The following COL4A2 variants were observed in gnomAD, a reference collection of about 807,000 sequenced individuals.
COL4A2 encodes the protein collagen type IV alpha 2 chain.
In COL4A2, 99 loss-of-function variants were observed where a neutral mutation model predicts 200.2. The observed-to-expected ratio is 0.49, with a 90% CI of 0.42 to 0.58. The LOEUF is 0.58. Among genes scored for constraint, COL4A2 ranks in the 20% least tolerant of loss-of-function variants. The pLI is 0.00. For missense variants in COL4A2, 1,950 were observed against 2,314.1 expected (o/e 0.84, Z 3.23); for synonymous variants, 897 against 900.6 (o/e 1.00, Z 0.07).
chr13:110,466,963 C>A, intron 26 of COL4A2, 77 bp from the exon 27 acceptor site: 1 of 1,573,504 alleles, frequency 6.4e-7, no homozygotes, highest in Non-Finnish European at 8.7e-7. Flanking sequence ...CGTGCTTTTG[C>A]CCTTGGGGAT....
chr13:110,386,639 A>G (rs1440738085), intron 4 of COL4A2, among the ~76,000 whole-genome samples: 1 of 152,242 alleles, frequency 6.6e-6, no homozygotes, highest in African/African-American at 2.4e-5. Flanking sequence ...ATTGATATGT[A>G]ATATATTAAT....
At chr13:110,346,396 A>G (rs1876700024) in intron 3 of COL4A2, among the ~76,000 whole-genome samples, 1 of 152,182 alleles carries the variant, frequency 6.6e-6, no homozygotes, top group Non-Finnish European at 1.5e-5. Context: ...CACCATAGAC[A>G]ATATAAGGAG....
At chr13:110,376,475 C>G (rs987179230) in intron 4 of COL4A2, among the ~76,000 whole-genome samples, 16 of 151,404 alleles carry the variant, frequency 1.1e-4, no homozygotes, top group Non-Finnish European at 2.1e-4. Flanking sequence ...TTAGCCCCCC[C>G]ACCCAAAAAA....
intron 29 of COL4A2, among the ~76,000 whole-genome samples, chr13:110,476,222 G>T (rs534391103): frequency 1.9e-5 from 1 of 51,514 alleles, no homozygotes; most frequent in African/African-American, 6.2e-5. Flanking sequence ...ACCTGCCATC[G>T]CTGCGAATCC....
At chr13:110,335,703 C>A (rs189030008) in intron 3 of COL4A2, among the ~76,000 whole-genome samples, 1 of 152,214 alleles carries the variant, frequency 6.6e-6, no homozygotes, top group African/African-American at 2.4e-5. Context: ...CATCACATGA[C>A]AAGGCTTGGC....
At chr13:110,320,464 A>G (rs1355854628) in intron 3 of COL4A2, among the ~76,000 whole-genome samples, 1 of 152,230 alleles carries the variant, frequency 6.6e-6, no homozygotes, top group Non-Finnish European at 1.5e-5. Flanking sequence ...GAAGGAAGTC[A>G]GATTAGTCAT....
At position 110,512,331 on chromosome 13, in the gene COL4A2, G is replaced by GTC. The variant is rs1884116541; in HGVS notation, c.*140_*141insTC. ...AATTTGCATCCAGCAGCAGCACTTA[G>GTC]ACCTGCCAGCCACTGTCACCGAGCG... On this transcript the variant is annotated 3_prime_UTR_variant, in exon 48 of 48. Transcript: ENST00000360467. 2.2e-6 allele frequency: 3 copies of GTC among 1,365,270 alleles called. No individual in the cohort carries two copies. The highest frequency in any genetic ancestry group is 1.9e-6 in the Non-Finnish European group (2 of 1,037,610). The allele number at this position is 1,365,270 out of a possible 1,614,324, so 84.6% of individuals were successfully genotyped here.
At chr13:110,466,608 A>T (rs951259780) in intron 26 of COL4A2, among the ~76,000 whole-genome samples, 1 of 152,232 alleles carries the variant, frequency 6.6e-6, no homozygotes, top group African/African-American at 2.4e-5. Flanking sequence ...TCACTCTGAA[A>T]GTAAACAAAG....
At chr13:110,457,559 C>A in intron 21 of COL4A2, 124 bp downstream of exon 21, 1 of 717,868 alleles carries the variant, frequency 1.4e-6, no homozygotes, top group Non-Finnish European at 2.6e-6. Context: ...GCATGTCTCT[C>A]CCAGCCTCCT....
chr13:110,394,342 G>A (rs1879109265), intron 4 of COL4A2, among the ~76,000 whole-genome samples: 1 of 152,154 alleles, frequency 6.6e-6, no homozygotes, highest in Non-Finnish European at 1.5e-5. Flanking sequence ...TTTGCCACTT[G>A]TCCACTGTTT....
At chr13:110,432,221 T>C in intron 10 of COL4A2, 104 bp from the exon 11 acceptor site, 1 of 1,373,956 alleles carries the variant, frequency 7.3e-7, no homozygotes, top group African/African-American at 1.5e-5. Context: ...TCCTACACTG[T>C]GTCCTAAATA....
intron 11 of COL4A2, among the ~76,000 whole-genome samples, chr13:110,433,897 A>G (rs1880776218): frequency 6.6e-6 from 1 of 152,252 alleles, no homozygotes; most frequent in African/African-American, 2.4e-5. Context: ...AAGTTTGGAT[A>G]AAGCCCAGAG....
chr13:110,434,171 C>A (rs1880785642), intron 11 of COL4A2, among the ~76,000 whole-genome samples: 1 of 152,168 alleles, frequency 6.6e-6, no homozygotes, highest in Non-Finnish European at 1.5e-5. Flanking sequence ...GGGCCAGCAC[C>A]ACCTGGGGTC....
chr13:110,436,542 G>A (rs746609374), intron 13 of COL4A2, among the ~76,000 whole-genome samples, 175 bp downstream of exon 13: 3 of 151,168 alleles, frequency 2.0e-5, no homozygotes, highest in Non-Finnish European at 4.4e-5. Context: ...TCTTCCAGAC[G>A]GTTACTAGAT....
chr13:110,311,612 G>A (rs1008423632), intron 3 of COL4A2, among the ~76,000 whole-genome samples: 1 of 152,194 alleles, frequency 6.6e-6, no homozygotes, highest in African/African-American at 2.4e-5. Context: ...GGCACAGCCT[G>A]GGTGCCAGGA....
intron 4 of COL4A2, among the ~76,000 whole-genome samples, chr13:110,380,325 C>A (rs1039942199): frequency 6.6e-6 from 1 of 152,154 alleles, no homozygotes; most frequent in African/African-American, 2.4e-5. Context: ...CATGAGTTAT[C>A]AGTATTGTTT....
chr13:110,323,387 G>A (rs1056017590), intron 3 of COL4A2, among the ~76,000 whole-genome samples: 25 of 152,344 alleles, frequency 1.6e-4, no homozygotes, highest in African/African-American at 5.0e-4. Context: ...GTCAGGCATC[G>A]GGATGAGGGC....
At chr13:110,489,859 A>T in intron 36 of COL4A2, 74 bp downstream of exon 36, 15 of 1,478,222 alleles carry the variant, frequency 1.0e-5, no homozygotes, top group Non-Finnish European at 1.4e-5. Flanking sequence ...CGACTTGCCA[A>T]ACAGATCAAA....
chr13:110,356,057 C>T (rs1191025256), intron 3 of COL4A2, among the ~76,000 whole-genome samples: 1 of 150,696 alleles, frequency 6.6e-6, no homozygotes, highest in African/African-American at 2.4e-5. Flanking sequence ...TTAATACTGT[C>T]ACGATTTGAA....
Sources: allele counts gnomAD v4.1 joint callset (sites outside exome capture counted in the v4.1 genomes callset), GRCh38; gene constraint gnomAD v4.1.1; transcripts MANE v1.5; gene names NCBI Gene and HGNC (gene_info 2026-07-23, HGNC 2026-07-21).